Variants in RP9 observed in about 807,000 individuals in gnomAD.
RP9 encodes the protein retinitis pigmentosa 9 protein.
In RP9, 23 loss-of-function variants were observed where a neutral mutation model predicts 32.6. The ratio of observed to expected loss-of-function variants is 0.71; its 90% CI spans 0.51 to 1.00. The LOEUF (loss-of-function observed/expected upper bound fraction) is 1.00. RP9 is among the 50% of genes least tolerant of loss of function. The pLI is 0.00. For missense variants in RP9, 245 were observed against 285.3 expected (o/e 0.86, Z 1.02); for synonymous variants, 94 against 103.6 (o/e 0.91, Z 0.56).
chr7:33,108,950 G>A (rs189346504), intron 1 of RP9, among the ~76,000 whole-genome samples: 1 of 152,300 alleles, frequency 6.6e-6, no homozygotes, highest in East Asian at 1.9e-4. Flanking sequence ...GAACCCCCTG[G>A]AGCTAGGGAA....
rs1192165315 is a variant in RP9 at position 33,096,522 on chromosome 7, T to C, written c.438A>G (p.Arg146=). 1 of 1,613,454 alleles carries C rather than the reference T, an allele frequency of 6.2e-7. No individual in the cohort carries two copies. Among genetic ancestry groups the C allele is most frequent in the South Asian group, 1.1e-5 (1 of 91,066 alleles). Residue 146 remains arginine, a synonymous_variant, in exon 5 of 6, where the codon CGA becomes CGG. Coordinates refer to ENST00000297157, the MANE Select transcript of RP9 (RefSeq NM_203288.2). Reference sequence around the variant, plus strand: ...CGTCCTTTTCATGTCGTTTATTGTCTCGTATGATGTCATACATGGGATCTT... The same window carrying C: ...CGTCCTTTTCATGTCGTTTATTGTCCCGTATGATGTCATACATGGGATCTT... ...AHEDPMYDII[R]DNKRHEKDVR... is the part of the protein sequence containing the mutation.
At chr7:33,102,852 G>T (rs1380698010) in intron 1 of RP9, among the ~76,000 whole-genome samples, 1 of 152,252 alleles carries the variant, frequency 6.6e-6, no homozygotes, top group African/African-American at 2.4e-5. Context: ...GTGACAGAGA[G>T]TGTTGGAGCA....
At chr7:33,095,554 AT>A (rs1184040272) in intron 5 of RP9, 122 bp from the exon 6 acceptor site, 8 of 1,493,692 alleles carry the variant, frequency 5.4e-6, no homozygotes, top group South Asian at 1.3e-5. Context: ...CAAAGACAGT[AT>A]TTTTATTTTT....
chr7:33,095,560 AT>A, intron 5 of RP9, 128 bp from the exon 6 acceptor site: 1 of 1,482,538 alleles, frequency 6.7e-7, no homozygotes, highest in Non-Finnish European at 9.1e-7. Flanking sequence ...CAGTATTTTT[AT>A]TTTTACCTGT....
intron 3 of RP9, 144 bp from the exon 4 acceptor site, chr7:33,097,506 C>G (rs996335948): frequency 7.7e-6 from 5 of 650,058 alleles, no homozygotes; most frequent in Non-Finnish European, 7.9e-6. Context: ...TGTAAGATCC[C>G]AGAAACAGAG....
At chr7:33,103,520 T>TTA (rs1788457305) in intron 1 of RP9, among the ~76,000 whole-genome samples, 4 of 152,174 alleles carry the variant, frequency 2.6e-5, no homozygotes. Context: ...GCGCCTACTC[T>TTA]TAAATGAGTT....
At chr7:33,098,283 A>G (rs1252067803) in intron 3 of RP9, among the ~76,000 whole-genome samples, 1 of 152,170 alleles carries the variant, frequency 6.6e-6, no homozygotes, top group African/African-American at 2.4e-5. Flanking sequence ...GCTATCTCAG[A>G]GGCTGATGTG....
At position 33,099,734 on chromosome 7, in the gene RP9, TA is replaced by T. The variant is rs201447638; in HGVS notation, c.184-299del. On this transcript the variant is annotated intron_variant, in intron 2 of 5. Coordinates refer to ENST00000297157, the MANE Select transcript of RP9 (RefSeq NM_203288.2). ...GGAGCTCCAAATAAGATTCTGAGAT[TA>T]AAAAAAAAAAGTTTCACTACCTCAA... Among the ~76,000 whole-genome samples the T allele has an allele frequency of 0.012, 1,772 of 146,454 alleles. 83 individuals are homozygous for T. In the East Asian group the frequency reaches 0.16, roughly 14 times the overall value.
chr7:33,100,299 C>T (rs1407591122), intron 2 of RP9: 1 of 588,088 alleles, frequency 1.7e-6, no homozygotes, highest in Non-Finnish European at 3.0e-6. Flanking sequence ...GCCAAGGAAT[C>T]CACGTGGGCC....
intron 2 of RP9, 42 bp downstream of exon 2, chr7:33,100,489 T>C (rs1788408748): frequency 1.3e-6 from 2 of 1,517,540 alleles, no homozygotes; most frequent in South Asian, 2.2e-5. Flanking sequence ...AGTCTACAAG[T>C]ATGTCTTGTG....
At chr7:33,098,863 C>T (rs1334437381) in intron 3 of RP9, among the ~76,000 whole-genome samples, 1 of 151,966 alleles carries the variant, frequency 6.6e-6, no homozygotes, top group Admixed American at 6.6e-5. Context: ...TTTGTTACAC[C>T]ATAAGGAGAG....
chr7:33,104,601 G>A (rs1274752264), intron 1 of RP9, among the ~76,000 whole-genome samples: 3 of 152,174 alleles, frequency 2.0e-5, no homozygotes, highest in Non-Finnish European at 2.9e-5. Context: ...GACTCAGAAT[G>A]GCATCAAACT....
In RP9 at chr7:33,100,772, C is replaced by T. The variant is rs1265659540; in HGVS notation, c.153-211G>A. ...CACCTGCCATCTAAGACTGGCCAGGCCTTCCTTATTTCCATCCAGGGACTG... is the reference window on the plus strand; with the variant it reads ...CACCTGCCATCTAAGACTGGCCAGGTCTTCCTTATTTCCATCCAGGGACTG... On this transcript the variant is annotated intron_variant, in intron 1 of 5. Coordinates refer to ENST00000297157, the MANE Select transcript of RP9 (RefSeq NM_203288.2). 3 of 689,172 alleles carry T rather than the reference C, an allele frequency of 4.4e-6. No individual in the cohort carries two copies. The Admixed American group carries it at 6.1e-5, about 14-fold the overall frequency. 42.7% of individuals were successfully genotyped at this position (689,172 alleles called of 1,614,324 possible).
intron 1 of RP9, among the ~76,000 whole-genome samples, chr7:33,105,832 C>G (rs974109291): frequency 2.0e-5 from 3 of 152,166 alleles, no homozygotes; most frequent in Non-Finnish European, 4.4e-5. Context: ...AAATAGTTTC[C>G]TCTGGGTCTC....
chr7:33,096,438 C>A (rs757999122), intron 5 of RP9, 55 bp downstream of exon 5: 2 of 1,322,974 alleles, frequency 1.5e-6, no homozygotes, highest in Admixed American at 3.4e-5. Context: ...TTTTCTCCAA[C>A]TTTATATAAT....
At chr7:33,098,370 T>G (rs913964383) in intron 3 of RP9, among the ~76,000 whole-genome samples, 4 of 152,074 alleles carry the variant, frequency 2.6e-5, no homozygotes, top group Non-Finnish European at 2.9e-5. Context: ...GGTGACAGAG[T>G]GAGACCCTGT....
intron 1 of RP9, among the ~76,000 whole-genome samples, chr7:33,104,067 T>A (rs1788465497): frequency 6.6e-6 from 1 of 152,094 alleles, no homozygotes; most frequent in South Asian, 2.1e-4. Flanking sequence ...AGAAAAAGCT[T>A]TTTGATTTAG....
rs1788306724 is a variant in RP9 at position 33,094,946 on chromosome 7, C to A, written c.*288G>T. The A allele has an allele frequency of 4.1e-6, 2 of 483,974 alleles. No homozygotes were observed. Among genetic ancestry groups the A allele is most frequent in the Admixed American group, 7.2e-5 (2 of 27,690 alleles). 30.0% of individuals were successfully genotyped at this position (483,974 alleles called of 1,614,324 possible). A position where few individuals can be genotyped will look rare whatever the true frequency, so the allele number is the denominator to read the frequency against. Reference sequence around the variant, plus strand: ...TCAGAGATTCTCCCAGTCCTGCCACCCTGTGGGAGACACTTCAAAGGAATC... The same window carrying A: ...TCAGAGATTCTCCCAGTCCTGCCACACTGTGGGAGACACTTCAAAGGAATC... On this transcript the variant is annotated 3_prime_UTR_variant, in exon 6 of 6. Coordinates refer to ENST00000297157, the MANE Select transcript of RP9 (RefSeq NM_203288.2).
At chr7:33,095,973 C>T (rs1788327081) in intron 5 of RP9, among the ~76,000 whole-genome samples, 2 of 152,214 alleles carry the variant, frequency 1.3e-5, no homozygotes, top group South Asian at 4.1e-4. Context: ...GCTGGAACTA[C>T]AGGTGCGTGC....
Sources: allele counts gnomAD v4.1 joint callset (sites outside exome capture counted in the v4.1 genomes callset), GRCh38; gene constraint gnomAD v4.1.1; transcripts MANE v1.5; gene names NCBI Gene and HGNC (gene_info 2026-07-23, HGNC 2026-07-21).